CREB1: variants seen among roughly 807,000 people sequenced by gnomAD.
CREB1 encodes the protein cyclic AMP-responsive element-binding protein 1.
CREB1 carries 2 observed loss-of-function variants against 42.0 expected under a neutral mutation model. That is an observed-to-expected ratio of 0.05 (90% CI 0.02 to 0.15). The LOEUF (loss-of-function observed/expected upper bound fraction) is 0.15, where lower values mean the gene tolerates loss of function less well. Among genes scored for constraint, CREB1 ranks in the 10% least tolerant of loss-of-function variants. The pLI, the probability that CREB1 is intolerant of heterozygous loss-of-function variation, is 1.00. For synonymous variants in CREB1, 123 were observed against 139.9 expected (o/e 0.88, Z 0.85); for missense variants, 199 against 388.9 (o/e 0.51, Z 4.11).
At chr2:207,543,324 T>C (rs746058724) in intron 1 of CREB1, among the ~76,000 whole-genome samples, 3 of 152,180 alleles carry the variant, frequency 2.0e-5, no homozygotes, top group African/African-American at 4.8e-5. Context: ...GAATTTGTTA[T>C]TTATTATGAG....
At chr2:207,563,828 C>T (rs2082041573) in intron 3 of CREB1, among the ~76,000 whole-genome samples, 1 of 152,104 alleles carries the variant, frequency 6.6e-6, no homozygotes, top group African/African-American at 2.4e-5. Context: ...CCTATAGTCC[C>T]AGCTACTCGG....
At chr2:207,593,814 G>A (rs1384173779) in intron 7 of CREB1, among the ~76,000 whole-genome samples, 2 of 150,726 alleles carry the variant, frequency 1.3e-5, no homozygotes, top group Non-Finnish European at 2.9e-5. Context: ...TGCCTCCTGG[G>A]TTCAAGCGAT....
In CREB1 at chr2:207,602,777, A is replaced by G. The variant is rs2087307054; in HGVS notation, c.*5719A>G. 1 of 215,380 alleles carries G rather than the reference A, an allele frequency of 4.6e-6. No individual in the cohort carries two copies. 13.3% of individuals were successfully genotyped at this position (215,380 alleles called of 1,614,324 possible). ...ATATTAAAAGTGGGAAATAATTGTC[A>G]ACATTTTTTTTGAGTATAGATTTAT... On this transcript the variant is annotated 3_prime_UTR_variant, in exon 8 of 8. Transcript: ENST00000353267.
chr2:207,564,520 A>G (rs993227962), intron 3 of CREB1, among the ~76,000 whole-genome samples: 1 of 151,828 alleles, frequency 6.6e-6, no homozygotes, highest in Non-Finnish European at 1.5e-5. Context: ...TAAAAAAAAA[A>G]AATCTTAAAA....
chr2:207,578,681 T>A (rs536608003), intron 7 of CREB1, among the ~76,000 whole-genome samples: 183 of 152,326 alleles, frequency 1.2e-3, no homozygotes, highest in Admixed American at 2.9e-3. Context: ...AGCTTTTTTG[T>A]TCCTAAAATA....
intron 3 of CREB1, among the ~76,000 whole-genome samples, chr2:207,565,083 G>A (rs2082092144): frequency 6.6e-6 from 1 of 151,142 alleles, no homozygotes; most frequent in South Asian, 2.1e-4. Context: ...GCAAAATTGA[G>A]AGGAAGCTAC....
chr2:207,571,637 GTAT>G, intron 5 of CREB1: 1 of 403,774 alleles, frequency 2.5e-6, no homozygotes, highest in Non-Finnish European at 5.0e-6. Flanking sequence ...ACGTGTATGT[GTAT>G]TATCAGTTGA....
At chr2:207,540,426 A>C (rs2081047936) in intron 1 of CREB1, among the ~76,000 whole-genome samples, 2 of 151,966 alleles carry the variant, frequency 1.3e-5, no homozygotes, top group Non-Finnish European at 2.9e-5. Context: ...GGGTTGCTTG[A>C]GCCCAGGAGT....
chr2:207,565,568 G>T, intron 3 of CREB1, among the ~76,000 whole-genome samples: 1 of 148,824 alleles, frequency 6.7e-6, no homozygotes, highest in African/African-American at 2.5e-5. Context: ...ACATTAATTT[G>T]TTTCATTTCA....
At chr2:207,544,790 T>C (rs2106390527) in intron 1 of CREB1, among the ~76,000 whole-genome samples, 1 of 152,314 alleles carries the variant, frequency 6.6e-6, no homozygotes, top group Admixed American at 6.5e-5. Context: ...TCTCATCATG[T>C]ACCTCCCACT....
At position 207,602,705 on chromosome 2, in the gene CREB1, T is replaced by G. The variant is rs186586133; in HGVS notation, c.*5647T>G. 9.5e-6 allele frequency: 2 copies of G among 210,464 alleles called. No homozygotes were observed. The allele number at this position is 210,464 out of a possible 1,614,324, so 13.0% of individuals were successfully genotyped here. ...AATTGGTAAATGCTTTATAGATGTA[T>G]TTTTATCCAAGTGCCACTCCAATTT... On this transcript the variant is annotated 3_prime_UTR_variant, in exon 8 of 8. Coordinates refer to ENST00000353267, the MANE Select transcript of CREB1 (RefSeq NM_004379.5).
At chr2:207,530,297 A>G (rs964452201) in intron 1 of CREB1, among the ~76,000 whole-genome samples, 163 bp downstream of exon 1, 6 of 151,486 alleles carry the variant, frequency 4.0e-5, no homozygotes. Context: ...CGCCGCTCGC[A>G]GCGAACAAAG....
intron 7 of CREB1, chr2:207,581,704 A>T (rs114238214): frequency 1.7e-6 from 1 of 587,048 alleles, no homozygotes; most frequent in Non-Finnish European, 3.0e-6. Context: ...TATATTACAT[A>T]ACCAGGGTAC....
In CREB1 at chr2:207,604,826, A is replaced by C. The variant is rs1443566338; in HGVS notation, c.*7768A>C. ...CATCCGGGTATTTCATGTGAGACTC[A>C]TACACTGTGTATTACTTCTTTCGTC... On this transcript the variant is annotated 3_prime_UTR_variant, in exon 8 of 8. Coordinates refer to ENST00000353267, the MANE Select transcript of CREB1 (RefSeq NM_004379.5). 6.6e-6 allele frequency among the ~76,000 whole-genome samples: 1 copy of C among 152,212 alleles called. No homozygotes were observed. The highest frequency in any genetic ancestry group is 2.4e-5 in the African/African-American group (1 of 41,456).
At chr2:207,577,388 CTTT>C in intron 6 of CREB1, 114 bp from the exon 7 acceptor site, 1 of 1,343,018 alleles carries the variant, frequency 7.4e-7, no homozygotes, top group Non-Finnish European at 1.0e-6. Flanking sequence ...CCAGAATCAT[CTTT>C]TCTTTTTTGT....
intron 1 of CREB1, chr2:207,550,363 A>T: frequency 7.1e-6 from 1 of 141,508 alleles, no homozygotes. Flanking sequence ...AAACCATAGC[A>T]TGTGTTCCAT....
intron 1 of CREB1, among the ~76,000 whole-genome samples, chr2:207,535,847 G>A (rs1033365540): frequency 2.7e-5 from 4 of 150,594 alleles, no homozygotes; most frequent in African/African-American, 4.9e-5. Context: ...TTTGAGGCAA[G>A]GTTTGGCTCT....
At chr2:207,569,964 C>T (rs1025988288) in intron 4 of CREB1, among the ~76,000 whole-genome samples, 1 of 151,030 alleles carries the variant, frequency 6.6e-6, no homozygotes. Context: ...ATTGCTTGAA[C>T]CCGGGAGGCG....
intron 7 of CREB1, chr2:207,581,729 A>G: frequency 1.6e-6 from 1 of 608,166 alleles, no homozygotes; most frequent in Non-Finnish European, 2.9e-6. Flanking sequence ...ATCAAAAATA[A>G]AAGTACATTG....
Sources: allele counts gnomAD v4.1 joint callset (sites outside exome capture counted in the v4.1 genomes callset), GRCh38; gene constraint gnomAD v4.1.1; transcripts MANE v1.5; gene names NCBI Gene and HGNC (gene_info 2026-07-23, HGNC 2026-07-21).